The following PPT1 variants were observed in gnomAD, a reference collection of about 807,000 sequenced individuals.
PPT1 encodes palmitoyl-protein thioesterase 1, also known as ceroid-palmitoyl-palmitoyl-protein thioesterase 1.
PPT1 carries 24 observed loss-of-function variants against 44.0 expected under a neutral mutation model. The observed-to-expected ratio is 0.54, with a 90% confidence interval of 0.39 to 0.77. The LOEUF is 0.77. Ranked by LOEUF, PPT1 falls within the 30% of genes least tolerant of loss-of-function variation. PPT1 has a pLI of 0.00. For synonymous variants in PPT1, 148 were observed against 140.2 expected (o/e 1.06, Z -0.39); for missense variants, 341 against 378.8 (o/e 0.90, Z 0.83).
intron 7 of PPT1, among the ~76,000 whole-genome samples, chr1:40,077,500 A>G (rs1292654319): frequency 6.6e-6 from 1 of 152,256 alleles, no homozygotes; most frequent in African/African-American, 2.4e-5. Flanking sequence ...TAATCTTTAT[A>G]TGTCCAATTC....
chr1:40,096,961 C>G, intron 1 of PPT1, 154 bp downstream of exon 1: 1 of 1,378,738 alleles, frequency 7.3e-7, no homozygotes, highest in Non-Finnish European at 1.0e-6. Context: ...CCCCTTCTCT[C>G]TTTCCAATGC....
chr1:40,072,596 C>G (rs1222302204), downstream of PPT1: 1 of 153,046 alleles, frequency 6.5e-6, no homozygotes, highest in East Asian at 1.9e-4. Flanking sequence ...GGAAATAAAC[C>G]TTTATGTACT....
chr1:40,088,993 A>C (rs1649407206), intron 5 of PPT1, among the ~76,000 whole-genome samples: 1 of 152,074 alleles, frequency 6.6e-6, no homozygotes, highest in Non-Finnish European at 1.5e-5. Flanking sequence ...GTACAAAAAG[A>C]TCTCATTTGA....
intron 5 of PPT1, among the ~76,000 whole-genome samples, chr1:40,086,850 A>G (rs1225084093): frequency 6.6e-6 from 1 of 151,918 alleles, no homozygotes; most frequent in East Asian, 1.9e-4. Context: ...ATGGCTCCCA[A>G]TTCTTGATTC....
intron 1 of PPT1, among the ~76,000 whole-genome samples, chr1:40,092,740 A>G (rs905298918): frequency 6.6e-6 from 1 of 152,258 alleles, no homozygotes; most frequent in Non-Finnish European, 1.5e-5. Context: ...GGGAAAAGAA[A>G]TTAAACAGAT....
At chr1:40,085,597 G>C (rs1304562689) in intron 5 of PPT1, among the ~76,000 whole-genome samples, 1 of 152,044 alleles carries the variant, frequency 6.6e-6, no homozygotes, top group Non-Finnish European at 1.5e-5. Context: ...CCACCACCCT[G>C]ATCAGTCAGC....
At chr1:40,084,347 A>G (rs1325519892) in intron 5 of PPT1, among the ~76,000 whole-genome samples, 1 of 152,238 alleles carries the variant, frequency 6.6e-6, no homozygotes, top group Non-Finnish European at 1.5e-5. Context: ...TGCTGTGAAC[A>G]CTGATGAAAC....
chr1:40,079,073 T>C (rs1157563662), intron 6 of PPT1, among the ~76,000 whole-genome samples: 1 of 152,162 alleles, frequency 6.6e-6, no homozygotes, highest in African/African-American at 2.4e-5. Flanking sequence ...TAGCTCCCAC[T>C]TATAAGTGAG....
intron 8 of PPT1, among the ~76,000 whole-genome samples, chr1:40,074,973 G>A (rs1648537210): frequency 6.6e-6 from 1 of 152,074 alleles, no homozygotes; most frequent in African/African-American, 2.4e-5. Flanking sequence ...ATCCAACCCA[G>A]GACAGGCGCG....
chr1:40,085,352 G>A (rs569698292), intron 5 of PPT1, among the ~76,000 whole-genome samples: 2 of 152,298 alleles, frequency 1.3e-5, no homozygotes, highest in African/African-American at 4.8e-5. Context: ...TATCATGGGA[G>A]ATGGCTCACA....
At chr1:40,091,184 C>G in intron 4 of PPT1, 145 bp downstream of exon 4, 1 of 853,556 alleles carries the variant, frequency 1.2e-6, no homozygotes, top group Non-Finnish European at 1.9e-6. Flanking sequence ...TCCAGCAATG[C>G]TGGCTAGTTT....
intron 6 of PPT1, chr1:40,078,934 T>A: frequency 2.4e-6 from 1 of 420,702 alleles, no homozygotes; most frequent in South Asian, 1.9e-5. Context: ...GGGGTTCTGT[T>A]GATCCTTTCA....
intron 8 of PPT1, chr1:40,076,634 AT>A: frequency 7.2e-7 from 1 of 1,393,068 alleles, no homozygotes. Flanking sequence ...GATGTAGTGG[AT>A]TTTTGTAACC....
At chr1:40,085,688 ATAAAG>A (rs2124480248) in intron 5 of PPT1, among the ~76,000 whole-genome samples, 1 of 152,342 alleles carries the variant, frequency 6.6e-6, no homozygotes, top group African/African-American at 2.4e-5. Context: ...TTTTTTAGCA[ATAAAG>A]TATTTTCTAA....
At chr1:40,079,984 C>T (rs528559392) in intron 6 of PPT1, among the ~76,000 whole-genome samples, 4 of 152,304 alleles carry the variant, frequency 2.6e-5, no homozygotes, top group African/African-American at 9.6e-5. Context: ...ATCTAGTTTA[C>T]CAGAACCTAC....
chr1:40,089,405 C>T lies in PPT1; in HGVS notation c.536+5G>A. 6.2e-7 allele frequency: 1 copy of T among 1,610,032 alleles called. No individual in the cohort carries two copies. Among genetic ancestry groups the T allele is most frequent in the Non-Finnish European group, 8.5e-7 (1 of 1,176,580 alleles). ...TCTGTAATCTTTTCAGCTAACCATA[C>T]ATACCGTTCCTGAACAACTTTGGAG... On this transcript the variant is annotated splice_donor_5th_base_variant and intron_variant, in intron 5 of 8. Coordinates refer to ENST00000642050, the MANE Select transcript of PPT1 (RefSeq NM_000310.4).
intron 5 of PPT1, among the ~76,000 whole-genome samples, chr1:40,086,604 G>A (rs1337111201): frequency 2.0e-5 from 3 of 152,104 alleles, no homozygotes; most frequent in Non-Finnish European, 4.4e-5. Flanking sequence ...GAGCAGAGGG[G>A]GAGACCTGAC....
intron 5 of PPT1, among the ~76,000 whole-genome samples, chr1:40,087,573 C>A (rs1382630931): frequency 4.6e-5 from 7 of 151,954 alleles, no homozygotes; most frequent in Non-Finnish European, 8.8e-5. Context: ...ACTTGTCACC[C>A]CCCGACGGAC....
In PPT1 at chr1:40,073,992, G is replaced by C; in HGVS notation, c.*69C>G. On this transcript the variant is annotated 3_prime_UTR_variant, in exon 9 of 9. Transcript: ENST00000642050. Reference sequence around the variant, plus strand: ...ATCTGAGCTCAGGCTTGGGCATGAAGGAAACTGTCTCCCATGTGGTTTGGA... The same window carrying C: ...ATCTGAGCTCAGGCTTGGGCATGAACGAAACTGTCTCCCATGTGGTTTGGA... The C allele has an allele frequency of 6.2e-7, 1 of 1,600,918 alleles. No homozygotes were observed.
Sources: gnomAD v4.1 joint callset for allele counts (sites outside exome capture counted in the v4.1 genomes callset) on GRCh38, gnomAD v4.1.1 for gene constraint, MANE v1.5 for transcripts, NCBI Gene and HGNC (gene_info 2026-07-23, HGNC 2026-07-21) for gene names.